The following XKR9 variants were observed in gnomAD, a reference collection of about 807,000 sequenced individuals.
XKR9 encodes XK related 9, also known as XK-related protein 9.
A neutral mutation model predicts 32.0 loss-of-function variants in XKR9; 32 were observed. That is an observed-to-expected ratio of 1.00 (90% CI 0.76 to 1.34). The LOEUF (loss-of-function observed/expected upper bound fraction) is 1.34, where lower values mean the gene tolerates loss of function less well. XKR9 is among the 40% of genes most tolerant of loss of function. The probability of loss-of-function intolerance (pLI) is 0.00; values close to 1 mark genes in which losing one functional copy is unlikely to be tolerated. For synonymous variants in XKR9, 168 were observed against 143.4 expected (o/e 1.17, Z -1.22); for missense variants, 546 against 429.7 (o/e 1.27, Z -2.39).
the XKR9 span, among the ~76,000 whole-genome samples, chr8:70,830,247 A>G: frequency 6.6e-6 from 1 of 152,148 alleles, no homozygotes; most frequent in Non-Finnish European, 1.5e-5. Flanking sequence ...TTCTTTGCTC[A>G]TCAGTTTCAA....
Position 70,735,882 on chromosome 8 carries a change from G to C in XKR9, c.*1458G>C, listed in dbSNP as rs928838029. 2 of 151,852 alleles carry C rather than the reference G, an allele frequency of 1.3e-5. No homozygotes were observed. Among genetic ancestry groups the C allele is most frequent in the African/African-American group, 4.8e-5 (2 of 41,276 alleles). The allele number at this position is 151,852 out of a possible 1,614,324, so 9.4% of individuals were successfully genotyped here. A position where few individuals can be genotyped will look rare whatever the true frequency, so the allele number is the denominator to read the frequency against. On this transcript the variant is annotated 3_prime_UTR_variant, in exon 5 of 5. Transcript: ENST00000408926. Reference sequence around the variant, plus strand: ...CTATTGTTGTTGGACATTTGGGTTGGTTCCAAGTCTTTGCTATTGTGAATA... The same window carrying C: ...CTATTGTTGTTGGACATTTGGGTTGCTTCCAAGTCTTTGCTATTGTGAATA...
the XKR9 span, among the ~76,000 whole-genome samples, chr8:70,859,729 G>A: frequency 6.6e-6 from 1 of 152,052 alleles, no homozygotes; most frequent in Non-Finnish European, 1.5e-5. Context: ...AGTGAAATAA[G>A]GCAGGCACAC....
the XKR9 span, among the ~76,000 whole-genome samples, chr8:70,849,363 C>T: frequency 1.3e-5 from 2 of 152,198 alleles, no homozygotes; most frequent in African/African-American, 4.8e-5. Flanking sequence ...TCCAGAATGA[C>T]TACTGGGTAA....
At chr8:70,812,151 A>G in the XKR9 span, among the ~76,000 whole-genome samples, 2 of 152,374 alleles carry the variant, frequency 1.3e-5, no homozygotes, top group Admixed American at 1.3e-4. Flanking sequence ...GCAAATCAAG[A>G]AATGTAATCC....
chr8:70,993,102 G>A, the XKR9 span, among the ~76,000 whole-genome samples: 117 of 152,212 alleles, frequency 7.7e-4, 1 homozygote, highest in African/African-American at 1.5e-3. Flanking sequence ...TTAACCTAGC[G>A]TGGCTTCAGC....
Position 70,735,053 on chromosome 8 carries a change from G to C in XKR9, c.*629G>C, listed in dbSNP as rs964389199. On this transcript the variant is annotated 3_prime_UTR_variant, in exon 5 of 5. Transcript: ENST00000408926. ...ATATAATTATATTAATCCTATTTGT[G>C]CTAGAATAGTTGTATCTAAATCATA... The C allele has an allele frequency of 3.3e-5, 5 of 151,926 alleles. No individual in the cohort carries two copies. The highest frequency in any genetic ancestry group is 1.2e-4 in the African/African-American group (5 of 41,356). The allele number at this position is 151,926 out of a possible 1,614,324, so 9.4% of individuals were successfully genotyped here.
intron 3 of XKR9, among the ~76,000 whole-genome samples, chr8:70,696,755 T>G (rs1181578252): frequency 6.6e-6 from 1 of 151,296 alleles, no homozygotes; most frequent in Non-Finnish European, 1.5e-5. Context: ...TGACATTGAA[T>G]CTATAAATTA....
intron 3 of XKR9, among the ~76,000 whole-genome samples, chr8:70,693,113 A>T (rs945113661): frequency 7.2e-5 from 11 of 152,112 alleles, no homozygotes; most frequent in African/African-American, 2.7e-4. Flanking sequence ...TAGCTTTTTG[A>T]TGACACTTGG....
chr8:71,058,523 CAG>C, the XKR9 span, among the ~76,000 whole-genome samples: 1 of 152,170 alleles, frequency 6.6e-6, no homozygotes. Flanking sequence ...CATCAATTGA[CAG>C]AGAGTGGGAA....
chr8:70,869,026 C>A, the XKR9 span, among the ~76,000 whole-genome samples: 1 of 152,210 alleles, frequency 6.6e-6, no homozygotes, highest in South Asian at 2.1e-4. Context: ...CAGTTCCCAA[C>A]AAGTTCCTCA....
the XKR9 span, among the ~76,000 whole-genome samples, chr8:70,880,035 C>T: frequency 6.6e-5 from 10 of 152,254 alleles, no homozygotes; most frequent in South Asian, 1.9e-3. Flanking sequence ...ACACAATTAT[C>T]TCAATAGATG....
chr8:70,953,707 GAGTGAGCCCTACCTCTT>G, the XKR9 span, among the ~76,000 whole-genome samples: 1 of 152,162 alleles, frequency 6.6e-6, no homozygotes, highest in Non-Finnish European at 1.5e-5. Context: ...TGGGTAACTA[GAGTGAGCCCTACCTCTT>G]CTTCAACTCT....
At chr8:70,739,247 T>G (rs1806921882), downstream of XKR9, among the ~76,000 whole-genome samples, 1 of 152,182 alleles carries the variant, frequency 6.6e-6, no homozygotes, top group Non-Finnish European at 1.5e-5. Flanking sequence ...TCTTTTGATG[T>G]TTGTTGGTTT....
At chr8:70,738,449 T>G (rs976062703), downstream of XKR9, among the ~76,000 whole-genome samples, 2 of 149,178 alleles carry the variant, frequency 1.3e-5, no homozygotes, top group African/African-American at 4.9e-5. Context: ...TTTTGAAGGG[T>G]TTTTTGTGTC....
the XKR9 span, among the ~76,000 whole-genome samples, chr8:70,806,399 A>G: frequency 6.6e-6 from 1 of 152,198 alleles, no homozygotes; most frequent in Non-Finnish European, 1.5e-5. Flanking sequence ...AAAAGTGCAG[A>G]ACTGGACGGA....
At chr8:70,993,850 G>A in the XKR9 span, among the ~76,000 whole-genome samples, 1 of 152,112 alleles carries the variant, frequency 6.6e-6, no homozygotes, top group Non-Finnish European at 1.5e-5. Context: ...TTGGGGGGTG[G>A]CCTTAAAGAA....
chr8:70,756,736 C>T lies in XKR9; in HGVS notation n.353-32603C>T, dbSNP rs1011964300. 3.3e-5 allele frequency among the ~76,000 whole-genome samples: 5 copies of T among 152,106 alleles called. No individual in the cohort carries two copies. The East Asian group carries it at 7.7e-4, about 23-fold the overall frequency. ...AAGTCTTGCTGAACTTATTCACTAG[C>T]GCCAATAGTTTTTGGGCTACTTTAA... On this transcript the variant is annotated intron_variant and non_coding_transcript_variant, in intron 2 of 3. Coordinates refer to the XKR9 transcript ENST00000520273.
At chr8:70,802,417 T>G in the XKR9 span, among the ~76,000 whole-genome samples, 2 of 152,222 alleles carry the variant, frequency 1.3e-5, no homozygotes. Flanking sequence ...CAATTGGGTC[T>G]TGTTTCTTCA....
At chr8:70,809,920 G>C in the XKR9 span, among the ~76,000 whole-genome samples, 86 of 152,156 alleles carry the variant, frequency 5.7e-4, no homozygotes, top group African/African-American at 1.2e-3. Context: ...CCAACATTCA[G>C]ATTCAGGAAA....
Sources: allele counts gnomAD v4.1 joint callset (sites outside exome capture counted in the v4.1 genomes callset), GRCh38; gene constraint gnomAD v4.1.1; transcripts MANE v1.5; gene names NCBI Gene and HGNC (gene_info 2026-07-23, HGNC 2026-07-21).